Variants in MALRD1 observed in about 807,000 individuals in gnomAD.
The protein encoded by MALRD1 is MAM and LDL receptor class A domain containing 1.
Under a neutral mutation model 242.1 loss-of-function variants are expected in MALRD1, and 247 were observed. The observed-to-expected ratio is 1.02, with a 90% confidence interval of 0.92 to 1.13. MALRD1 has a LOEUF of 1.13. Ranked by LOEUF, MALRD1 falls within the 50% of genes most tolerant of loss-of-function variation. The probability of loss-of-function intolerance (pLI) is 0.00; values close to 1 mark genes in which losing one functional copy is unlikely to be tolerated. For missense variants in MALRD1, 2,989 were observed against 2,533.1 expected (o/e 1.18, Z -3.86); for synonymous variants, 995 against 866.6 (o/e 1.15, Z -2.60).
chr10:19,481,501 C>G (rs1183236827), intron 29 of MALRD1, among the ~76,000 whole-genome samples: 2 of 152,118 alleles, frequency 1.3e-5, no homozygotes, highest in African/African-American at 4.8e-5. Context: ...ATAGTTCCTT[C>G]TAGAATAAGA....
chr10:19,662,876 A>T (rs891805899), intron 36 of MALRD1, among the ~76,000 whole-genome samples: 10 of 152,126 alleles, frequency 6.6e-5, no homozygotes, highest in Non-Finnish European at 2.9e-5. Context: ...TGTTCTAGAA[A>T]AAGCCAAGGT....
chr10:19,423,678 G>A (rs1833797616), intron 28 of MALRD1, among the ~76,000 whole-genome samples: 1 of 152,152 alleles, frequency 6.6e-6, no homozygotes. Context: ...CCAGGAATGG[G>A]AGAGGAGAAA....
intron 14 of MALRD1, among the ~76,000 whole-genome samples, chr10:19,190,749 C>G (rs531301075): frequency 6.6e-6 from 1 of 150,878 alleles, no homozygotes; most frequent in South Asian, 2.1e-4. Context: ...AACTAGATAT[C>G]AACTTGCGAA....
intron 32 of MALRD1, among the ~76,000 whole-genome samples, chr10:19,558,396 A>G (rs1417382858): frequency 6.6e-6 from 1 of 152,182 alleles, no homozygotes; most frequent in Non-Finnish European, 1.5e-5. Flanking sequence ...ATTCTTTATC[A>G]ATATGAAGTT....
chr10:19,121,587 T>G, intron 5 of MALRD1, among the ~76,000 whole-genome samples: 1 of 149,550 alleles, frequency 6.7e-6, no homozygotes, highest in South Asian at 2.1e-4. Context: ...GGAAATGATC[T>G]TGTAGAGAAA....
chr10:19,533,871 A>C (rs1834535752), intron 32 of MALRD1, among the ~76,000 whole-genome samples: 1 of 152,192 alleles, frequency 6.6e-6, no homozygotes, highest in African/African-American at 2.4e-5. Context: ...ACTTGCTTTT[A>C]CCACGTCCGT....
intron 21 of MALRD1, among the ~76,000 whole-genome samples, chr10:19,302,653 A>T (rs757750176): frequency 1.3e-5 from 2 of 151,756 alleles, no homozygotes; most frequent in Non-Finnish European, 2.9e-5. Flanking sequence ...ACTTTTTGGG[A>T]TGATCAAAAT....
rs1390990032 is a variant in MALRD1, at chr10:19,209,312, G to A, written c.2623G>A (p.Glu875Lys). ...CNFETGICNW[E>K]QDAKDDFDWT... Reference sequence around the variant, plus strand: ...CTTTGAAACTGGAATCTGTAACTGGGAACAAGATGCAAAAGATGACTTTGA... The same window carrying A: ...CTTTGAAACTGGAATCTGTAACTGGAAACAAGATGCAAAAGATGACTTTGA... The change falls in exon 18 of 40, where the codon GAA becomes AAA. Residue 875 changes from glutamate (E) to lysine (K), a missense_variant. Glu to Lys is a moderately conservative substitution (Grantham distance 56). Coordinates refer to ENST00000454679, the MANE Select transcript of MALRD1 (RefSeq NM_001142308.3). 51 of 1,548,618 alleles carry A rather than the reference G, an allele frequency of 3.3e-5. No homozygotes were observed. Among genetic ancestry groups the A allele is most frequent in the Non-Finnish European group, 4.4e-5 (50 of 1,146,378 alleles).
At position 19,594,142 on chromosome 10, in the gene MALRD1, G is replaced by T. The variant is rs556549707; in HGVS notation, c.5681-1052G>T. On this transcript the variant is annotated intron_variant, in intron 33 of 39. Transcript: ENST00000454679. ...TCCCTTAAATTCTTAAACTGGGAGT[G>T]CATCTTTCCAAAGTTTTCAATTTAC... Among the ~76,000 whole-genome samples the T allele has an allele frequency of 4.5e-4, 69 of 152,276 alleles. 1 individual carries two copies. The highest frequency in any genetic ancestry group is 1.6e-3 in the African/African-American group (68 of 41,556).
At chr10:19,470,593 C>A (rs1041020567) in intron 29 of MALRD1, among the ~76,000 whole-genome samples, 2 of 151,670 alleles carry the variant, frequency 1.3e-5, no homozygotes, top group Non-Finnish European at 3.0e-5. Context: ...CCACATTCTC[C>A]CCTTTTATTT....
chr10:19,287,798 G>A (rs946515443), intron 21 of MALRD1, among the ~76,000 whole-genome samples: 1 of 151,994 alleles, frequency 6.6e-6, no homozygotes, highest in Admixed American at 6.6e-5. Flanking sequence ...ACTCATTCCC[G>A]TCATTAAGTG....
At chr10:19,147,850 G>A (rs898464118) in intron 11 of MALRD1, among the ~76,000 whole-genome samples, 1 of 152,166 alleles carries the variant, frequency 6.6e-6, no homozygotes, top group Non-Finnish European at 1.5e-5. Flanking sequence ...GAGAGAAGAC[G>A]GAACCAAAGA....
chr10:19,467,919 G>A (rs994184826), intron 29 of MALRD1, among the ~76,000 whole-genome samples: 2 of 151,794 alleles, frequency 1.3e-5, no homozygotes, highest in African/African-American at 2.4e-5. Context: ...TCAGCCTCCC[G>A]AGCAGCTGAG....
chr10:19,207,725 C>G (rs1041230758), intron 17 of MALRD1, among the ~76,000 whole-genome samples: 1 of 152,140 alleles, frequency 6.6e-6, no homozygotes, highest in Non-Finnish European at 1.5e-5. Flanking sequence ...TGGTCTTGAA[C>G]TCCTGACCTC....
upstream of MALRD1, among the ~76,000 whole-genome samples, chr10:19,047,855 C>A (rs909534535): frequency 1.3e-5 from 2 of 152,114 alleles, no homozygotes; most frequent in African/African-American, 4.8e-5. Context: ...GTCTATGCTC[C>A]TTTCCACTCT....
chr10:19,390,790 A>G (rs1846306225), intron 28 of MALRD1, among the ~76,000 whole-genome samples: 1 of 152,156 alleles, frequency 6.6e-6, no homozygotes, highest in African/African-American at 2.4e-5. Flanking sequence ...TCTATGTTTT[A>G]TTGGAAACCA....
At chr10:19,375,724 A>C (rs1845564480) in intron 26 of MALRD1, among the ~76,000 whole-genome samples, 1 of 152,196 alleles carries the variant, frequency 6.6e-6, no homozygotes, top group Admixed American at 6.5e-5. Context: ...GCCACACGCT[A>C]ACAAAACTCA....
intron 36 of MALRD1, among the ~76,000 whole-genome samples, chr10:19,658,952 T>C (rs1374888129): frequency 6.6e-6 from 1 of 152,238 alleles, no homozygotes; most frequent in East Asian, 1.9e-4. Flanking sequence ...GCCAGACGTT[T>C]ACTTTGGAAA....
chr10:19,494,642 T>A lies in MALRD1; in HGVS notation c.5158+2997T>A, dbSNP rs558844944. 2.0e-5 allele frequency among the ~76,000 whole-genome samples: 3 copies of A among 152,142 alleles called. No homozygotes were observed. In the East Asian group the frequency reaches 5.8e-4, roughly 29 times the overall value. Reference sequence around the variant, plus strand: ...AAGAATTTTACAATGTAATAGCAAGTATTAGCACCAGAATAGAACAAATTC... The same window carrying A: ...AAGAATTTTACAATGTAATAGCAAGAATTAGCACCAGAATAGAACAAATTC... On this transcript the variant is annotated intron_variant, in intron 30 of 39. Transcript: ENST00000454679.
Sources: gnomAD v4.1 joint callset for allele counts (sites outside exome capture counted in the v4.1 genomes callset) on GRCh38, gnomAD v4.1.1 for gene constraint, MANE v1.5 for transcripts, NCBI Gene and HGNC (gene_info 2026-07-23, HGNC 2026-07-21) for gene names.